Variants in ATAD2B observed in about 807,000 individuals in gnomAD.
ATAD2B encodes the protein ATPase family AAA domain containing 2B.
ATAD2B carries 40 observed loss-of-function variants against 167.6 expected under a neutral mutation model. That is an observed-to-expected ratio of 0.24 (90% CI 0.19 to 0.31). The LOEUF (loss-of-function observed/expected upper bound fraction) is 0.31. Ranked by LOEUF, ATAD2B falls within the 10% of genes least tolerant of loss-of-function variation. The pLI, the probability that ATAD2B is intolerant of heterozygous loss-of-function variation, is 1.00. For missense variants in ATAD2B, 1,242 were observed against 1,757.2 expected (o/e 0.71, Z 5.24); for synonymous variants, 579 against 596.5 (o/e 0.97, Z 0.43).
chr2:23,884,957 C>A, intron 5 of ATAD2B, 84 bp from the exon 6 acceptor site: 1 of 663,408 alleles, frequency 1.5e-6, no homozygotes, highest in Non-Finnish European at 2.3e-6. Flanking sequence ...CATACCTGCT[C>A]AACAAAATTT....
At chr2:23,874,726 C>G (rs1173952174) in intron 8 of ATAD2B, among the ~76,000 whole-genome samples, 1 of 151,506 alleles carries the variant, frequency 6.6e-6, no homozygotes, top group Admixed American at 6.6e-5. Flanking sequence ...AAAGTAGAAA[C>G]TTTCCTTTGT....
the ATAD2B span, among the ~76,000 whole-genome samples, chr2:23,712,359 A>C: frequency 8.5e-5 from 13 of 152,374 alleles, no homozygotes; most frequent in East Asian, 2.5e-3. Flanking sequence ...TAAGAGTCTC[A>C]GCAACATAAT....
At chr2:23,912,817 C>T (rs1272216662) in intron 1 of ATAD2B, among the ~76,000 whole-genome samples, 1 of 151,838 alleles carries the variant, frequency 6.6e-6, no homozygotes, top group African/African-American at 2.4e-5. Flanking sequence ...ACAGTGAAAC[C>T]CCCATCCCTA....
intron 5 of ATAD2B, among the ~76,000 whole-genome samples, chr2:23,885,183 A>G (rs1029836392): frequency 6.6e-6 from 1 of 152,250 alleles, no homozygotes; most frequent in Admixed American, 6.5e-5. Context: ...AATAAGTTAA[A>G]TGTCATAAAG....
intron 14 of ATAD2B, among the ~76,000 whole-genome samples, chr2:23,829,832 C>G (rs1688781690): frequency 6.6e-6 from 1 of 152,058 alleles, no homozygotes; most frequent in Non-Finnish European, 1.5e-5. Context: ...CAAGGTATTT[C>G]AATAAATATC....
chr2:23,814,376 A>C (rs1002516503), intron 17 of ATAD2B, among the ~76,000 whole-genome samples: 4 of 152,210 alleles, frequency 2.6e-5, no homozygotes, highest in African/African-American at 9.6e-5. Context: ...ATTTAGTAAA[A>C]AAGTTAATAT....
At chr2:23,792,667 G>GA (rs1223455305) in intron 19 of ATAD2B, among the ~76,000 whole-genome samples, 1 of 151,214 alleles carries the variant, frequency 6.6e-6, no homozygotes, top group Non-Finnish European at 1.5e-5. Context: ...TTCACTTAGG[G>GA]AAAAAAAACT....
rs36018928 is a variant in ATAD2B, at chr2:23,877,067, CAAAAAA to C, written c.902-1169_902-1164del. On this transcript the variant is annotated intron_variant, in intron 7 of 27. Transcript: ENST00000238789. The stretch of plus-strand genomic sequence containing the variant: ...GGGCAAGAAGAGCGAAACTCCATCT[CAAAAAA>C]AAAAAAAAAAAGAAAGAAAGAAATT... Among the ~76,000 whole-genome samples the C allele has an allele frequency of 1.7e-4, 19 of 109,104 alleles. No homozygotes were observed. In the East Asian group the frequency reaches 4.0e-3, roughly 23 times the overall value. The allele number at this position is 109,104 out of a possible 152,430, so 71.6% of individuals were successfully genotyped here.
chr2:23,805,006 GGT>G (rs1684135448), intron 18 of ATAD2B, among the ~76,000 whole-genome samples: 1 of 151,762 alleles, frequency 6.6e-6, no homozygotes, highest in African/African-American at 2.4e-5. Flanking sequence ...AGCTGGGCGT[GGT>G]GGTGGGCGCC....
the ATAD2B span, among the ~76,000 whole-genome samples, chr2:23,722,038 A>G: frequency 6.6e-6 from 1 of 152,256 alleles, no homozygotes; most frequent in Non-Finnish European, 1.5e-5. Context: ...TACTGTGTCT[A>G]CCTAGAACCA....
At chr2:23,701,922 G>A in the ATAD2B span, among the ~76,000 whole-genome samples, 6 of 149,722 alleles carry the variant, frequency 4.0e-5, no homozygotes, top group South Asian at 2.1e-4. Context: ...TGCCTCAGCC[G>A]GGTAGCTGGG....
At chr2:23,753,692 C>T (rs1199054831) in intron 27 of ATAD2B, among the ~76,000 whole-genome samples, 1 of 152,088 alleles carries the variant, frequency 6.6e-6, no homozygotes, top group African/African-American at 2.4e-5. Context: ...ATTTATAGGA[C>T]TAGATTTGAC....
intron 8 of ATAD2B, among the ~76,000 whole-genome samples, chr2:23,874,383 C>T (rs1346104408): frequency 6.6e-6 from 1 of 151,892 alleles, no homozygotes; most frequent in Admixed American, 6.6e-5. Flanking sequence ...ACAGTAAAAG[C>T]ATAAGCACAA....
chr2:23,721,169 C>T, the ATAD2B span, among the ~76,000 whole-genome samples: 1 of 152,220 alleles, frequency 6.6e-6, no homozygotes, highest in African/African-American at 2.4e-5. Context: ...CTCCAAGCAA[C>T]TGACACATTT....
rs1328180315 is a variant in ATAD2B, at chr2:23,754,583, C to T, written c.4206+64G>A. 4 of 1,572,402 alleles carry T rather than the reference C, an allele frequency of 2.5e-6. No homozygotes were observed. The African/African-American group carries it at 5.5e-5, about 22-fold the overall frequency. On this transcript the variant is annotated intron_variant, in intron 26 of 27. Coordinates refer to ENST00000238789, the MANE Select transcript of ATAD2B (RefSeq NM_017552.4). ...CAGGAAAACTACTTTTACTCAACTG[C>T]CTACAAACACATTCAAATCTCCGTC...
the ATAD2B span, among the ~76,000 whole-genome samples, chr2:23,735,062 T>A: frequency 6.6e-6 from 1 of 152,222 alleles, no homozygotes; most frequent in Non-Finnish European, 1.5e-5. Flanking sequence ...TAAAATTCTA[T>A]TTTCATGTCA....
chr2:23,822,609 T>G (rs946165015), intron 16 of ATAD2B, among the ~76,000 whole-genome samples: 1 of 150,894 alleles, frequency 6.6e-6, no homozygotes, highest in East Asian at 2.0e-4. Context: ...AGTGCTTACC[T>G]GCAAGCCTGT....
chr2:23,687,495 G>A, the ATAD2B span, among the ~76,000 whole-genome samples: 112 of 152,312 alleles, frequency 7.4e-4, no homozygotes, highest in African/African-American at 2.5e-3. Flanking sequence ...TCACTGGCTC[G>A]TCACTCAGCA....
At chr2:23,892,718 C>T (rs905860938) in intron 2 of ATAD2B, among the ~76,000 whole-genome samples, 21 of 152,148 alleles carry the variant, frequency 1.4e-4, no homozygotes, top group African/African-American at 4.1e-4. Flanking sequence ...GATCCACCAC[C>T]CTTGGCCTCC....
Sources: allele counts gnomAD v4.1 joint callset (sites outside exome capture counted in the v4.1 genomes callset), GRCh38; gene constraint gnomAD v4.1.1; transcripts MANE v1.5; gene names NCBI Gene and HGNC (gene_info 2026-07-23, HGNC 2026-07-21).